The following HDAC4 variants were observed in gnomAD, a reference collection of about 807,000 sequenced individuals.
The protein encoded by HDAC4 is histone deacetylase 4.
A neutral mutation model predicts 135.1 loss-of-function variants in HDAC4; 16 were observed. The ratio of observed to expected loss-of-function variants is 0.12; its 90% CI spans 0.08 to 0.18. The LOEUF (loss-of-function observed/expected upper bound fraction) is 0.18. Ranked by LOEUF, HDAC4 falls within the 10% of genes least tolerant of loss-of-function variation. The probability of loss-of-function intolerance (pLI) is 1.00; values close to 1 mark genes in which losing one functional copy is unlikely to be tolerated. For missense variants in HDAC4, 1,143 were observed against 1,511.8 expected (o/e 0.76, Z 4.05); for synonymous variants, 685 against 653.4 (o/e 1.05, Z -0.74).
At chr2:239,191,118 G>T (rs1003025699) in intron 3 of HDAC4, 16 of 417,334 alleles carry the variant, frequency 3.8e-5, no homozygotes, top group African/African-American at 3.0e-4. Flanking sequence ...CCACCCCTCA[G>T]AAAGCTCCCC....
chr2:239,163,946 AG>A, intron 5 of HDAC4, 23 bp from the exon 6 acceptor site: 1 of 1,613,292 alleles, frequency 6.2e-7, no homozygotes, highest in African/African-American at 1.3e-5. Context: ...AAAGCATAGC[AG>A]GGGGTGAAGT....
chr2:239,225,889 T>G (rs1178473984), intron 3 of HDAC4, among the ~76,000 whole-genome samples: 1 of 152,144 alleles, frequency 6.6e-6, no homozygotes, highest in Non-Finnish European at 1.5e-5. Context: ...TGCTGTGAGG[T>G]CCAGAAATGG....
chr2:239,391,566 C>A (rs1010350570), intron 1 of HDAC4, among the ~76,000 whole-genome samples: 1 of 152,144 alleles, frequency 6.6e-6, no homozygotes, highest in Non-Finnish European at 1.5e-5. Flanking sequence ...TGAGTCTCTG[C>A]GGGAGAGACA....
At chr2:239,082,758 C>G (rs1215289150) in intron 20 of HDAC4, among the ~76,000 whole-genome samples, 1 of 152,256 alleles carries the variant, frequency 6.6e-6, no homozygotes, top group African/African-American at 2.4e-5. Context: ...GGTCCAGGCC[C>G]CTGTGCCCAA....
chr2:239,145,528 G>C (rs939554637), intron 7 of HDAC4, among the ~76,000 whole-genome samples: 1 of 152,226 alleles, frequency 6.6e-6, no homozygotes, highest in Non-Finnish European at 1.5e-5. Flanking sequence ...GGATCTAAAG[G>C]CAGCGACCGG....
chr2:239,095,649 T>TCC (rs2036951279), intron 16 of HDAC4, among the ~76,000 whole-genome samples: 1 of 152,094 alleles, frequency 6.6e-6, no homozygotes. Flanking sequence ...ACGCCAGGCC[T>TCC]CCTCCCATGG....
chr2:239,110,749 G>A (rs1212469884), intron 14 of HDAC4, among the ~76,000 whole-genome samples: 3 of 152,186 alleles, frequency 2.0e-5, no homozygotes, highest in African/African-American at 7.2e-5. Context: ...CATGAAGAGC[G>A]CTCCTGCCTC....
chr2:239,104,057 G>A (rs542654073), intron 15 of HDAC4, among the ~76,000 whole-genome samples: 128 of 152,304 alleles, frequency 8.4e-4, no homozygotes, highest in African/African-American at 2.9e-3. Context: ...GATGTGACAC[G>A]GCTTCCGGTG....
At chr2:239,335,341 A>G (rs1009059506) in intron 2 of HDAC4, among the ~76,000 whole-genome samples, 2 of 151,664 alleles carry the variant, frequency 1.3e-5, no homozygotes, top group African/African-American at 2.4e-5. Context: ...CGGAAAAGTA[A>G]CTCTCAATCC....
At chr2:239,169,490 G>A (rs1436204115) in intron 5 of HDAC4, among the ~76,000 whole-genome samples, 1 of 152,234 alleles carries the variant, frequency 6.6e-6, no homozygotes, top group Non-Finnish European at 1.5e-5. Context: ...ACCCCACAGG[G>A]TGGGCCCCGC....
intron 11 of HDAC4, among the ~76,000 whole-genome samples, chr2:239,126,982 C>CAAG (rs2040234946): frequency 6.6e-6 from 1 of 152,170 alleles, no homozygotes; most frequent in South Asian, 2.1e-4. Context: ...TTTCAAAGAG[C>CAAG]AAGCCCTTCC....
intron 20 of HDAC4, 41 bp downstream of exon 20, chr2:239,084,114 G>A (rs926776094): frequency 2.0e-6 from 3 of 1,477,344 alleles, no homozygotes; most frequent in South Asian, 1.2e-5. Flanking sequence ...GGACGGCAAA[G>A]GAGCAACCTG....
At chr2:239,104,981 G>A (rs560685020) in intron 15 of HDAC4, among the ~76,000 whole-genome samples, 1 of 152,214 alleles carries the variant, frequency 6.6e-6, no homozygotes, top group Non-Finnish European at 1.5e-5. Context: ...GCGCGACACC[G>A]CAAGGGCTCG....
In HDAC4 at chr2:239,058,838, C is replaced by T. The variant is rs905738067; in HGVS notation, c.3004-4005G>A. 4.6e-5 allele frequency among the ~76,000 whole-genome samples: 7 copies of T among 152,166 alleles called. 1 individual carries two copies. Among genetic ancestry groups the T allele is most frequent in the Admixed American group, 2.6e-4 (4 of 15,272 alleles). ...CAATCGTCGGTCAGGAAAACCAAAGCGTGAACAATACAATTAGCAAGTTCT... is the reference window on the plus strand; with the variant it reads ...CAATCGTCGGTCAGGAAAACCAAAGTGTGAACAATACAATTAGCAAGTTCT... On this transcript the variant is annotated intron_variant, in intron 24 of 26. Transcript: ENST00000543185.
intron 1 of HDAC4, among the ~76,000 whole-genome samples, chr2:239,388,940 A>T (rs1340913301): frequency 6.6e-6 from 1 of 152,186 alleles, no homozygotes; most frequent in African/African-American, 2.4e-5. Flanking sequence ...ACTGTGTGTT[A>T]GTCTCCACTG....
Position 239,365,852 on chromosome 2 carries a change from G to A in HDAC4, c.-219-12934C>T, listed in dbSNP as rs189739564. On this transcript the variant is annotated intron_variant, in intron 1 of 26. Transcript: ENST00000543185. ...CACGCAGACACGCATGCACAGATCA[G>A]GGTCATCAGGGTCACACGCGTGGCA... is the stretch of plus-strand genomic sequence containing the variant. 4.1e-3 allele frequency among the ~76,000 whole-genome samples: 618 copies of A among 151,604 alleles called. 5 individuals carry two copies. Among genetic ancestry groups the A allele is most frequent in the African/African-American group, 0.014 (559 of 41,234 alleles).
intron 3 of HDAC4, among the ~76,000 whole-genome samples, chr2:239,200,399 C>T (rs752099942): frequency 5.3e-5 from 8 of 152,002 alleles, no homozygotes; most frequent in South Asian, 2.1e-4. Flanking sequence ...AAAGTAGAGA[C>T]GAGGTAGAGA....
At chr2:239,094,943 C>A (rs749890961) in intron 17 of HDAC4, 67 bp downstream of exon 17, 3 of 1,611,158 alleles carry the variant, frequency 1.9e-6, no homozygotes, top group Middle Eastern at 1.6e-4. Flanking sequence ...AGCAAGGCTG[C>A]GATTTCTGTG....
chr2:239,325,811 A>G (rs2053453223), intron 2 of HDAC4, among the ~76,000 whole-genome samples: 1 of 152,118 alleles, frequency 6.6e-6, no homozygotes, highest in Non-Finnish European at 1.5e-5. Context: ...CTAAAAATAC[A>G]AAAATTAACC....
Sources: allele counts gnomAD v4.1 joint callset (sites outside exome capture counted in the v4.1 genomes callset), GRCh38; gene constraint gnomAD v4.1.1; transcripts MANE v1.5; gene names NCBI Gene and HGNC (gene_info 2026-07-23, HGNC 2026-07-21).